Variants in SOX5 observed in about 807,000 individuals in gnomAD.
SOX5 encodes the protein SRY-box transcription factor 5.
A neutral mutation model predicts 92.0 loss-of-function variants in SOX5; 9 were observed. The ratio of observed to expected loss-of-function variants is 0.10; its 90% CI spans 0.06 to 0.17. The LOEUF is 0.17. SOX5 is among the 10% of genes least tolerant of loss of function. The pLI is 1.00. For missense variants in SOX5, 642 were observed against 944.5 expected (o/e 0.68, Z 4.20); for synonymous variants, 344 against 336.3 (o/e 1.02, Z -0.25).
At chr12:24,513,568 G>C (rs939550858) in intron 1 of SOX5, among the ~76,000 whole-genome samples, 1 of 152,086 alleles carries the variant, frequency 6.6e-6, no homozygotes, top group East Asian at 1.9e-4. Flanking sequence ...AGATCATTAG[G>C]CTTCTTTACA....
chr12:24,457,186 A>G (rs1302690419), intron 1 of SOX5, among the ~76,000 whole-genome samples: 2 of 152,218 alleles, frequency 1.3e-5, no homozygotes, highest in Non-Finnish European at 2.9e-5. Context: ...ATACCAGCAT[A>G]TGAATATCAT....
At chr12:24,545,699 GC>G (rs1485918910) in intron 1 of SOX5, among the ~76,000 whole-genome samples, 2 of 152,200 alleles carry the variant, frequency 1.3e-5, no homozygotes, top group African/African-American at 2.4e-5. Context: ...GTGGTGCGCT[GC>G]CCAGCGGCAC....
chr12:23,714,632 A>G (rs1325622018), intron 6 of SOX5, among the ~76,000 whole-genome samples: 1 of 151,956 alleles, frequency 6.6e-6, no homozygotes, highest in South Asian at 2.1e-4. Context: ...AAAAACAAGC[A>G]AACAACAAAA....
intron 1 of SOX5, among the ~76,000 whole-genome samples, chr12:24,401,621 G>A (rs1205061284): frequency 6.8e-6 from 1 of 147,696 alleles, no homozygotes; most frequent in East Asian, 2.0e-4. Context: ...GAGGCAAGAG[G>A]ATGAATTCTG....
At chr12:24,385,164 G>A (rs980934207) in intron 1 of SOX5, among the ~76,000 whole-genome samples, 3 of 152,122 alleles carry the variant, frequency 2.0e-5, no homozygotes, top group African/African-American at 7.2e-5. Flanking sequence ...ATATGTATAT[G>A]TAAGAGAAAA....
At chr12:23,645,964 G>T (rs890020694) in intron 7 of SOX5, among the ~76,000 whole-genome samples, 1 of 152,064 alleles carries the variant, frequency 6.6e-6, no homozygotes, top group Admixed American at 6.5e-5. Flanking sequence ...CAAAACTATA[G>T]TCTATTAAGT....
intron 2 of SOX5, among the ~76,000 whole-genome samples, chr12:23,888,698 G>A (rs1329269894): frequency 6.6e-6 from 1 of 152,106 alleles, no homozygotes. Context: ...CCAAAACAAT[G>A]CAAGTATAAT....
chr12:24,560,331 A>G (rs559684582), intron 1 of SOX5, among the ~76,000 whole-genome samples: 1 of 152,344 alleles, frequency 6.6e-6, no homozygotes, highest in South Asian at 2.1e-4. Flanking sequence ...AACAAAAGCA[A>G]TCCCTAGCAG....
At chr12:23,937,538 A>G (rs1250270520) in intron 1 of SOX5, among the ~76,000 whole-genome samples, 2 of 151,112 alleles carry the variant, frequency 1.3e-5, no homozygotes, top group South Asian at 4.2e-4. Context: ...TGCTAATTTG[A>G]CATGCACCAT....
At chr12:23,682,051 G>C (rs1566946018) in intron 6 of SOX5, among the ~76,000 whole-genome samples, 4 of 151,584 alleles carry the variant, frequency 2.6e-5, no homozygotes. Flanking sequence ...AGGTGATATA[G>C]GCAATTTCTA....
At chr12:23,729,794 T>A (rs919186651) in intron 6 of SOX5, among the ~76,000 whole-genome samples, 1 of 152,182 alleles carries the variant, frequency 6.6e-6, no homozygotes, top group Admixed American at 6.5e-5. Context: ...TTAAAAAGTA[T>A]CTTAAGTAGA....
intron 4 of SOX5, among the ~76,000 whole-genome samples, chr12:24,168,108 T>C (rs1396646452): frequency 6.6e-6 from 1 of 152,238 alleles, no homozygotes; most frequent in Non-Finnish European, 1.5e-5. Flanking sequence ...TCATTATACA[T>C]TATTTAAAAT....
chr12:24,361,917 G>A (rs1331577504), intron 2 of SOX5, among the ~76,000 whole-genome samples: 1 of 152,198 alleles, frequency 6.6e-6, no homozygotes, highest in African/African-American at 2.4e-5. Flanking sequence ...AGAGTCCAGA[G>A]CTACGCTGAT....
intron 4 of SOX5, among the ~76,000 whole-genome samples, chr12:24,126,912 T>G (rs971575932): frequency 6.6e-6 from 1 of 152,204 alleles, no homozygotes; most frequent in Non-Finnish European, 1.5e-5. Context: ...TTCACTTAAC[T>G]ACATCCTGTT....
chr12:23,962,447 G>A (rs1246064707), intron 4 of SOX5, among the ~76,000 whole-genome samples: 2 of 151,976 alleles, frequency 1.3e-5, no homozygotes, highest in East Asian at 1.9e-4. Context: ...GGGTCTCCAC[G>A]TTAAAAATTA....
In SOX5 at chr12:23,960,882, C is replaced by T. The variant is rs528560733; in HGVS notation, c.-1-64858G>A. Among the ~76,000 whole-genome samples the T allele has an allele frequency of 3.8e-4, 58 of 152,082 alleles. No homozygotes were observed. In the South Asian group the frequency reaches 6.2e-3, roughly 16 times the overall value. On this transcript the variant is annotated intron_variant, in intron 4 of 4. Coordinates refer to the SOX5 transcript ENST00000446891. ...GGAGTAGGAGGAAGTGGGAACTGGA[C>T]AGATAGGGGACAGGTGTGAGATTAA...
intron 6 of SOX5, among the ~76,000 whole-genome samples, chr12:23,682,365 C>T (rs1430270830): frequency 6.6e-6 from 1 of 151,756 alleles, no homozygotes; most frequent in African/African-American, 2.4e-5. Context: ...TTAGAAGAGG[C>T]TGAAACATTT....
Position 23,845,935 on chromosome 12 carries a change from T to C in SOX5, c.481+48A>G, listed in dbSNP as rs200442087. The C allele has an allele frequency of 4.9e-6, 7 of 1,419,304 alleles. No homozygotes were observed. In the East Asian group the frequency reaches 1.1e-4, roughly 23 times the overall value. 87.9% of individuals were successfully genotyped at this position (1,419,304 alleles called of 1,614,324 possible). On this transcript the variant is annotated intron_variant, in intron 3 of 14. Coordinates refer to ENST00000451604, the MANE Select transcript of SOX5 (RefSeq NM_006940.6). The stretch of plus-strand genomic sequence containing the variant: ...AAATCAAGAAATTAAAATCAAAGTA[T>C]TAAAATCAGGACACAGCATCAACTT...
At chr12:23,883,872 T>C (rs1435674562) in intron 2 of SOX5, among the ~76,000 whole-genome samples, 1 of 152,252 alleles carries the variant, frequency 6.6e-6, no homozygotes, top group African/African-American at 2.4e-5. Context: ...CTGAATCTGT[T>C]ATAAATATTT....
Sources: allele counts gnomAD v4.1 joint callset (sites outside exome capture counted in the v4.1 genomes callset), GRCh38; gene constraint gnomAD v4.1.1; transcripts MANE v1.5; gene names NCBI Gene and HGNC (gene_info 2026-07-23, HGNC 2026-07-21).